Variants in CNTN5 observed in about 807,000 individuals in gnomAD.
The protein encoded by CNTN5 is contactin-5.
A neutral mutation model predicts 129.1 loss-of-function variants in CNTN5; 77 were observed. That is an observed-to-expected ratio of 0.60 (90% CI 0.50 to 0.72). CNTN5 has a LOEUF of 0.72. Among genes scored for constraint, CNTN5 ranks in the 30% least tolerant of loss-of-function variants. CNTN5 has a pLI of 0.00. For synonymous variants in CNTN5, 509 were observed against 465.6 expected (o/e 1.09, Z -1.20); for missense variants, 1,478 against 1,328.8 (o/e 1.11, Z -1.75).
At chr11:99,196,653 C>T (rs1479984275) in intron 1 of CNTN5, among the ~76,000 whole-genome samples, 1 of 151,630 alleles carries the variant, frequency 6.6e-6, no homozygotes, top group African/African-American at 2.4e-5. Context: ...TTTTCCTGAA[C>T]TTTCCTTTGT....
At chr11:99,062,116 GA>G (rs1191824917) in intron 1 of CNTN5, among the ~76,000 whole-genome samples, 1 of 152,050 alleles carries the variant, frequency 6.6e-6, no homozygotes, top group Non-Finnish European at 1.5e-5. Flanking sequence ...TCAAGATGAA[GA>G]AAAAAACCCA....
At chr11:99,046,640 T>C (rs966303816) in intron 1 of CNTN5, among the ~76,000 whole-genome samples, 3 of 152,266 alleles carry the variant, frequency 2.0e-5, no homozygotes, top group Middle Eastern at 3.4e-3. Flanking sequence ...AATATCTTCA[T>C]GAGGTTTTTG....
intron 2 of CNTN5, among the ~76,000 whole-genome samples, chr11:99,445,824 C>A (rs919237331): frequency 6.6e-6 from 1 of 152,100 alleles, no homozygotes; most frequent in Non-Finnish European, 1.5e-5. Context: ...TGACTCACAC[C>A]TGTAATCCCA....
intron 13 of CNTN5, among the ~76,000 whole-genome samples, chr11:100,154,562 G>A (rs1306365739): frequency 6.6e-6 from 1 of 152,110 alleles, no homozygotes; most frequent in African/African-American, 2.4e-5. Context: ...TGGGTCAAAT[G>A]GTATTTCTGG....
intron 16 of CNTN5, among the ~76,000 whole-genome samples, chr11:100,229,037 C>T (rs1324775957): frequency 1.3e-5 from 2 of 152,154 alleles, no homozygotes; most frequent in Non-Finnish European, 2.9e-5. Context: ...TTGAACTACA[C>T]AGCTCACACA....
intron 2 of CNTN5, among the ~76,000 whole-genome samples, chr11:99,451,631 G>T (rs1217915723): frequency 6.6e-6 from 1 of 152,128 alleles, no homozygotes; most frequent in African/African-American, 2.4e-5. Context: ...TTTTTGCCGT[G>T]TCTGAAGGAT....
chr11:99,114,015 G>A (rs1242632294), intron 1 of CNTN5, among the ~76,000 whole-genome samples: 1 of 152,066 alleles, frequency 6.6e-6, no homozygotes, highest in Non-Finnish European at 1.5e-5. Flanking sequence ...AATCATTCAT[G>A]TATTTTTAAT....
At chr11:99,907,663 A>G (rs1321496318) in intron 6 of CNTN5, among the ~76,000 whole-genome samples, 1 of 151,840 alleles carries the variant, frequency 6.6e-6, no homozygotes, top group African/African-American at 2.4e-5. Context: ...ATGTGAATAT[A>G]AAGTCTTCTA....
chr11:99,210,570 C>T (rs1859717213), intron 1 of CNTN5, among the ~76,000 whole-genome samples: 1 of 152,082 alleles, frequency 6.6e-6, no homozygotes, highest in Non-Finnish European at 1.5e-5. Context: ...TTTTAGTTCA[C>T]TTTGTCTCCG....
chr11:99,892,093 T>G (rs1949075688), intron 6 of CNTN5, among the ~76,000 whole-genome samples: 1 of 152,252 alleles, frequency 6.6e-6, no homozygotes, highest in African/African-American at 2.4e-5. Context: ...TGAGCTTTTC[T>G]TCGTATGTTT....
chr11:100,041,935 G>T (rs988878158), intron 9 of CNTN5, among the ~76,000 whole-genome samples: 3 of 152,158 alleles, frequency 2.0e-5, no homozygotes, highest in African/African-American at 7.2e-5. Context: ...CACACGTTCT[G>T]AGTCAAGAAT....
chr11:99,371,524 T>A (rs778726549), intron 2 of CNTN5, among the ~76,000 whole-genome samples: 1 of 152,100 alleles, frequency 6.6e-6, no homozygotes, highest in Non-Finnish European at 1.5e-5. Context: ...ACTTCAGTAA[T>A]CTGGAGTAAG....
Position 99,569,991 on chromosome 11 carries a change from A to G in CNTN5, c.55+13722A>G, listed in dbSNP as rs139427278. Among the ~76,000 whole-genome samples the G allele has an allele frequency of 5.0e-3, 755 of 152,266 alleles. 4 individuals are homozygous for G. Among genetic ancestry groups the G allele is most frequent in the Middle Eastern group, 0.01 (3 of 294 alleles). ...ATAAAAAATTACTAAAGGCAAAAGA[A>G]AGAAAGTAAAGAAAAAAACAAAGAA... is the stretch of plus-strand genomic sequence containing the variant. On this transcript the variant is annotated intron_variant, in intron 3 of 24. Transcript: ENST00000524871.
At chr11:99,933,980 A>G (rs1950250642) in intron 7 of CNTN5, among the ~76,000 whole-genome samples, 2 of 152,216 alleles carry the variant, frequency 1.3e-5, no homozygotes. Flanking sequence ...TTCAGCATTT[A>G]TATCTGTGGA....
At chr11:99,915,930 T>C (rs944664525) in intron 6 of CNTN5, 124 bp from the exon 7 acceptor site, 5 of 698,810 alleles carry the variant, frequency 7.2e-6, no homozygotes, top group African/African-American at 3.6e-5. Flanking sequence ...AGCCTTCTTG[T>C]CACTGATTAA....
At chr11:99,810,600 A>G (rs1465536454) in intron 3 of CNTN5, among the ~76,000 whole-genome samples, 1 of 152,168 alleles carries the variant, frequency 6.6e-6, no homozygotes, top group Admixed American at 6.6e-5. Flanking sequence ...CTCATATGCC[A>G]TAGATGCAGA....
intron 18 of CNTN5, among the ~76,000 whole-genome samples, chr11:100,278,295 CT>C (rs1950559974): frequency 6.6e-6 from 1 of 151,902 alleles, no homozygotes; most frequent in Non-Finnish European, 1.5e-5. Flanking sequence ...GCTATTCTAG[CT>C]CTTTTGTGAT....
intron 1 of CNTN5, among the ~76,000 whole-genome samples, chr11:99,149,908 C>G (rs7939500): frequency 0.25 from 38,559 of 151,956 alleles, 5,291 homozygotes; most frequent in Middle Eastern, 0.33. Flanking sequence ...ACCTATATAT[C>G]TATCTCCCTC....
At chr11:99,797,917 A>T (rs1945997115) in intron 3 of CNTN5, among the ~76,000 whole-genome samples, 1 of 152,162 alleles carries the variant, frequency 6.6e-6, no homozygotes, top group Non-Finnish European at 1.5e-5. Context: ...AATCATTTAA[A>T]AATATAGCCT....
Sources: allele counts gnomAD v4.1 joint callset (sites outside exome capture counted in the v4.1 genomes callset), GRCh38; gene constraint gnomAD v4.1.1; transcripts MANE v1.5; gene names NCBI Gene and HGNC (gene_info 2026-07-23, HGNC 2026-07-21).